CELSR3: variants seen among roughly 807,000 people sequenced by gnomAD.
The protein encoded by CELSR3 is EGF-like protein 1.
In CELSR3, 73 loss-of-function variants were observed where a neutral mutation model predicts 270.0. The ratio of observed to expected loss-of-function variants is 0.27; its 90% CI spans 0.22 to 0.33. The LOEUF is 0.33. Among genes scored for constraint, CELSR3 ranks in the 10% least tolerant of loss-of-function variants. The probability of loss-of-function intolerance (pLI) is 1.00; values close to 1 mark genes in which losing one functional copy is unlikely to be tolerated. For missense variants in CELSR3, 3,614 were observed against 4,533.8 expected (o/e 0.80, Z 5.83); for synonymous variants, 1,780 against 1,905.4 (o/e 0.93, Z 1.71).
rs149535316 is a variant in CELSR3, at chr3:48,644,289, C to T, written c.8092G>A (p.Gly2698Arg). The change falls in exon 27 of 35, where the codon GGG becomes AGG. Residue 2698 changes from glycine to arginine, a missense_variant. Gly to Arg is a moderately radical substitution (Grantham distance 125, BLOSUM62 -2). Coordinates refer to ENST00000164024, the MANE Select transcript of CELSR3 (RefSeq NM_001407.3). This position sits in a 1 kb window ranked among gnomAD's most constrained non-coding sequence, Gnocchi z 4.8. ...GPVVLVIVMN[G>R]TMFLLAARTS... ...CGGGCAGCGAGGAGAAACATGGTCC[C>T]GTTCATCTGGACCCACGGCCAGACA... The T allele has an allele frequency of 1.9e-6, 3 of 1,612,902 alleles. No homozygotes were observed. The highest frequency in any genetic ancestry group is 1.1e-5 in the South Asian group (1 of 91,064).
chr3:48,655,081 A>C lies in CELSR3; in HGVS notation c.4951T>G (p.Ser1651Ala), dbSNP rs2047168596. Reference protein sequence around the residue: ...LQFGAEIGNYSCAAAGVQTSS... With the variant: ...LQFGAEIGNYACAAAGVQTSS... ...GTTTGCACACCAGCAGCCGCGCATG[A>C]GTAGTTGCCAATCTCAGCACCAAAC... Residue 1651 changes from serine to alanine, a missense_variant, in exon 6 of 35, where the codon TCA becomes GCA. Around this residue, in one of 7 missense-constraint regions of CELSR3, gnomAD observed 1,331 missense variants for 1,933.7 expected, o/e 0.69. Coordinates refer to ENST00000164024, the MANE Select transcript of CELSR3 (RefSeq NM_001407.3). The surrounding 1 kb of genome is among the most constrained non-coding windows in gnomAD (Gnocchi z 5.8). The C allele has an allele frequency of 1.2e-6, 2 of 1,613,788 alleles. No individual in the cohort carries two copies. The highest frequency in any genetic ancestry group is 1.7e-6 in the Non-Finnish European group (2 of 1,179,932).
Position 48,640,012 on chromosome 3 carries a change from C to T in CELSR3, c.9573G>A (p.Leu3191=). 1.2e-6 allele frequency: 2 copies of T among 1,612,128 alleles called. No individual in the cohort carries two copies. The highest frequency in any genetic ancestry group is 1.7e-6 in the Non-Finnish European group (2 of 1,179,886). Residue 3191 remains leucine, a synonymous_variant, in exon 34 of 35, where the codon CTG becomes CTA. Transcript: ENST00000164024. This position sits in a 1 kb window ranked among gnomAD's most constrained non-coding sequence, Gnocchi z 7.5. ...AGTTCGAGCTCCTAGACAGAGAGTC[C>T]AGCGGCCGGGATGGCAAGAGGGGGT... ...SRDPLLPSRP[L]DSLSRSSNSR... is the part of the protein sequence containing the mutation.
At position 48,653,710 on chromosome 3, in the gene CELSR3, G is replaced by A. The variant is rs1445134662; in HGVS notation, c.5357C>T (p.Pro1786Leu). Residue 1786 changes from proline (P) to leucine (L), a missense_variant, in exon 9 of 35, where the codon CCA becomes CTA. By Grantham distance (98) the Pro-to-Leu change is moderately conservative. This residue lies in a region of CELSR3 where 1,331 missense variants were observed against 1,933.7 expected (regional missense o/e 0.69). Transcript: ENST00000164024. This position sits in a 1 kb window ranked among gnomAD's most constrained non-coding sequence, Gnocchi z 6.5. The part of the protein sequence containing the change: ...NFGSDMAVSV[P>L]WYLGLAFRTR... Reference sequence around the variant, plus strand: ...CCGAAATGCCAGCCCCAGGTACCATGGCACAGACACAGCCATGTCACTTCC... The same window carrying A: ...CCGAAATGCCAGCCCCAGGTACCATAGCACAGACACAGCCATGTCACTTCC... 1 of 1,614,190 alleles carries A rather than the reference G, an allele frequency of 6.2e-7. No individual in the cohort carries two copies. Among genetic ancestry groups the A allele is most frequent in the Non-Finnish European group, 8.5e-7 (1 of 1,180,040 alleles).
In CELSR3 at chr3:48,655,954, A is replaced by T. The variant is rs980923484; in HGVS notation, c.4626-103T>A. 8.5e-7 allele frequency: 1 copy of T among 1,181,182 alleles called. No individual in the cohort carries two copies. The highest frequency in any genetic ancestry group is 1.2e-6 in the Non-Finnish European group (1 of 821,160). The allele number at this position is 1,181,182 out of a possible 1,614,324, so 73.2% of individuals were successfully genotyped here. ...GGAGAAGGGGCTGGGGCGAGAGAGG[A>T]AGCGACGAGGGACGGCGGGACCGAC... On this transcript the variant is annotated intron_variant, in intron 3 of 34. Coordinates refer to ENST00000164024, the MANE Select transcript of CELSR3 (RefSeq NM_001407.3). The surrounding 1 kb of genome is among the most constrained non-coding windows in gnomAD (Gnocchi z 5.8).
At chr3:48,648,484 G>C (rs764255365) in intron 18 of CELSR3, 23 bp from the exon 19 acceptor site, 1 of 1,511,428 alleles carries the variant, frequency 6.6e-7, no homozygotes, top group Non-Finnish European at 8.8e-7. Context: ...AGATAGAATT[G>C]GGTTCAGCCA....
rs1037500458 is a variant in CELSR3 at position 48,639,586 on chromosome 3, C to G, written c.9911+88G>C. The G allele has an allele frequency of 5.9e-6, 9 of 1,535,832 alleles. No individual in the cohort carries two copies. In the Admixed American group the frequency reaches 1.4e-4, roughly 24 times the overall value. ...CCCACACCTGTCTGCCAGCCCTCATCCCCTTCTGTGGCAGAACACAGGGCA... is the reference window on the plus strand; with the variant it reads ...CCCACACCTGTCTGCCAGCCCTCATGCCCTTCTGTGGCAGAACACAGGGCA... On this transcript the variant is annotated intron_variant, in intron 34 of 34. Coordinates refer to ENST00000164024, the MANE Select transcript of CELSR3 (RefSeq NM_001407.3). This position sits in a 1 kb window ranked among gnomAD's most constrained non-coding sequence, Gnocchi z 4.1.
In CELSR3 at chr3:48,655,526, C is replaced by T. The variant is rs2047173087; in HGVS notation, c.4742-132G>A. 2.0e-6 allele frequency: 2 copies of T among 995,214 alleles called. No individual in the cohort carries two copies. The highest frequency in any genetic ancestry group is 2.0e-5 in the Admixed American group (1 of 50,844). The allele number at this position is 995,214 out of a possible 1,614,324, so 61.6% of individuals were successfully genotyped here. A position where few individuals can be genotyped will look rare whatever the true frequency, so the allele number is the denominator to read the frequency against. ...GTCCCCCCACTGGTGACCACAATGG[C>T]TGGCTCAGAGTGCCTTTGAACAGAC... On this transcript the variant is annotated intron_variant, in intron 4 of 34. Coordinates refer to ENST00000164024, the MANE Select transcript of CELSR3 (RefSeq NM_001407.3). The surrounding 1 kb of genome is among the most constrained non-coding windows in gnomAD (Gnocchi z 5.8).
rs1477146886 is a variant in CELSR3, at chr3:48,658,592, G to A, written c.3748+295C>T. ...CTAGGACCTCCAGAGGATTACCCCA[G>A]GACCTCTGACCTTTTATCAGGAGGG... On this transcript the variant is annotated intron_variant, in intron 1 of 34. Transcript: ENST00000164024. The surrounding 1 kb of genome is among the most constrained non-coding windows in gnomAD (Gnocchi z 4.7). 2.0e-5 allele frequency among the ~76,000 whole-genome samples: 3 copies of A among 152,178 alleles called. No individual in the cohort carries two copies. The highest frequency in any genetic ancestry group is 7.2e-5 in the African/African-American group (3 of 41,438).
chr3:48,657,368 C>T lies in CELSR3; in HGVS notation c.3749-20G>A. On this transcript the variant is annotated intron_variant, in intron 1 of 34. Transcript: ENST00000164024. The surrounding 1 kb of genome is among the most constrained non-coding windows in gnomAD (Gnocchi z 5.4). The stretch of plus-strand genomic sequence containing the variant: ...GGCCATCTGCAGGCGGGGGCAGGGG[C>T]AGTGGTCATCCTGGGGACAGTGGCC... 6.4e-7 allele frequency: 1 copy of T among 1,556,658 alleles called. No individual in the cohort carries two copies. Among genetic ancestry groups the T allele is most frequent in the Non-Finnish European group, 8.7e-7 (1 of 1,152,110 alleles).
At position 48,645,375 on chromosome 3, in the gene CELSR3, T is replaced by G. The variant is rs777165903; in HGVS notation, c.7797+68A>C. ...AGCATCCCTGACCTCTGACCCTGAG[T>G]TTTGGCCCCAGGCCTCCTGGGCCAG... On this transcript the variant is annotated intron_variant, in intron 24 of 34. Coordinates refer to ENST00000164024, the MANE Select transcript of CELSR3 (RefSeq NM_001407.3). The surrounding 1 kb of genome is among the most constrained non-coding windows in gnomAD (Gnocchi z 5.4). 1.3e-6 allele frequency: 2 copies of G among 1,595,614 alleles called. No homozygotes were observed. The highest frequency in any genetic ancestry group is 4.5e-5 in the East Asian group (2 of 44,714).
At position 48,646,642 on chromosome 3, in the gene CELSR3, A is replaced by G. The variant is rs2047087028; in HGVS notation, c.7295+121T>C. The G allele has an allele frequency of 9.6e-7, 1 of 1,041,802 alleles. No homozygotes were observed. The highest frequency in any genetic ancestry group is 1.4e-6 in the Non-Finnish European group (1 of 719,736). The allele number at this position is 1,041,802 out of a possible 1,614,324, so 64.5% of individuals were successfully genotyped here. On this transcript the variant is annotated intron_variant, in intron 21 of 34. Coordinates refer to ENST00000164024, the MANE Select transcript of CELSR3 (RefSeq NM_001407.3). This position sits in a 1 kb window ranked among gnomAD's most constrained non-coding sequence, Gnocchi z 4.8. ...AAGATTCACACAGAACCCGGCAAGGATGGGGCTCCCTGGAGCTGTGCTCCT... is the reference window on the plus strand; with the variant it reads ...AAGATTCACACAGAACCCGGCAAGGGTGGGGCTCCCTGGAGCTGTGCTCCT...
chr3:48,655,742 A>C lies in CELSR3; in HGVS notation c.4735T>G (p.Ser1579Ala), dbSNP rs763168429. The C allele has an allele frequency of 2.6e-5, 42 of 1,613,198 alleles. No homozygotes were observed. The highest frequency in any genetic ancestry group is 3.6e-5 in the Non-Finnish European group (42 of 1,179,640). ...LVAGQVRLTY[S>A]TGESNTVVSP... ...TCACATCCGGGGCACCCACCCGTGG[A>C]ATATGTGAGCCGCACTTGGCCAGCC... The change falls in exon 4 of 35, where the codon TCC becomes GCC. Residue 1579 changes from serine (S) to alanine (A), a missense_variant. Physicochemically the swap from Ser to Ala is moderately conservative, Grantham distance 99. Coordinates refer to ENST00000164024, the MANE Select transcript of CELSR3 (RefSeq NM_001407.3). This position sits in a 1 kb window ranked among gnomAD's most constrained non-coding sequence, Gnocchi z 5.8.
chr3:48,657,648 T>A lies in CELSR3; in HGVS notation c.3749-300A>T, dbSNP rs1379032730. ...AGTCACTCCCGCAACAGCACTCAAGTACCCTAAGTACTCAGTAACCCACAC... is the reference window on the plus strand; with the variant it reads ...AGTCACTCCCGCAACAGCACTCAAGAACCCTAAGTACTCAGTAACCCACAC... On this transcript the variant is annotated intron_variant, in intron 1 of 34. Coordinates refer to ENST00000164024, the MANE Select transcript of CELSR3 (RefSeq NM_001407.3). This position sits in a 1 kb window ranked among gnomAD's most constrained non-coding sequence, Gnocchi z 5.4. 6.6e-6 allele frequency among the ~76,000 whole-genome samples: 1 copy of A among 152,098 alleles called. No individual in the cohort carries two copies. The highest frequency in any genetic ancestry group is 1.5e-5 in the Non-Finnish European group (1 of 68,018).
In CELSR3 at chr3:48,655,752, C is replaced by T. The variant is rs1377645510; in HGVS notation, c.4725G>A (p.Arg1575=). 6.2e-7 allele frequency: 1 copy of T among 1,613,676 alleles called. No individual in the cohort carries two copies. Among genetic ancestry groups the T allele is most frequent in the Non-Finnish European group, 8.5e-7 (1 of 1,179,890 alleles). The change falls in exon 4 of 35, where the codon CGG becomes CGA. Residue 1575 remains arginine (R), a synonymous_variant. Coordinates refer to ENST00000164024, the MANE Select transcript of CELSR3 (RefSeq NM_001407.3). This position sits in a 1 kb window ranked among gnomAD's most constrained non-coding sequence, Gnocchi z 5.8. ...GGCACCCACCCGTGGAATATGTGAGCCGCACTTGGCCAGCCACGAGTTCCA... is the reference window on the plus strand; with the variant it reads ...GGCACCCACCCGTGGAATATGTGAGTCGCACTTGGCCAGCCACGAGTTCCA... ...LALELVAGQV[R]LTYSTGESNT...
In CELSR3 at chr3:48,653,128, G is replaced by T. The variant is rs750706776; in HGVS notation, c.5508C>A (p.Leu1836=). 1 of 1,613,408 alleles carries T rather than the reference G, an allele frequency of 6.2e-7. No homozygotes were observed. Among genetic ancestry groups the T allele is most frequent in the South Asian group, 1.1e-5 (1 of 91,082 alleles). Residue 1836 remains leucine (L), a synonymous_variant, in exon 10 of 35, where the codon CTC becomes CTA. Transcript: ENST00000164024. This position sits in a 1 kb window ranked among gnomAD's most constrained non-coding sequence, Gnocchi z 6.5. ...CACTGACAGTCACCTGGTCCAGAAG[G>T]AGATGGGAAGCACGGCCCGAGCCCC... ...VTRGSGRASH[L]LLDQVTVSDG...
Position 48,657,862 on chromosome 3 carries a change from G to T in CELSR3, c.3749-514C>A, listed in dbSNP as rs1478749854. Among the ~76,000 whole-genome samples, 1 of 152,150 alleles carries T rather than the reference G, an allele frequency of 6.6e-6. No individual in the cohort carries two copies. Among genetic ancestry groups the T allele is most frequent in the Non-Finnish European group, 1.5e-5 (1 of 68,022 alleles). ...ATCACCTATCTCCTATTTTTGGTCA[G>T]CAAATTGCTCTTCCATGACACTAGA... On this transcript the variant is annotated intron_variant, in intron 1 of 34. Coordinates refer to ENST00000164024, the MANE Select transcript of CELSR3 (RefSeq NM_001407.3). The surrounding 1 kb of genome is among the most constrained non-coding windows in gnomAD (Gnocchi z 5.4).
chr3:48,659,484 C>G lies in CELSR3; in HGVS notation c.3151G>C (p.Val1051Leu), dbSNP rs767846362. Residue 1051 changes from valine to leucine, a missense_variant, in exon 1 of 35, where the codon GTC (valine) becomes CTC (leucine). This residue lies in a region of CELSR3 where 1,331 missense variants were observed against 1,933.7 expected (regional missense o/e 0.69). Transcript: ENST00000164024. The surrounding 1 kb of genome is among the most constrained non-coding windows in gnomAD (Gnocchi z 8.1). ...TCCTGCACCATCACCTGGATACTGA[C>G]TGGAGTCCGGAGTGGGGGCACACCT... ...DRGVPPLRTP[V>L]SIQVMVQDVN... 1 of 1,614,232 alleles carries G rather than the reference C, an allele frequency of 6.2e-7. No individual in the cohort carries two copies. Among genetic ancestry groups the G allele is most frequent in the East Asian group, 2.2e-5 (1 of 44,890 alleles).
Position 48,646,376 on chromosome 3 carries a change from G to A in CELSR3, c.7296-119C>T, listed in dbSNP as rs1241296426. 11 of 1,092,966 alleles carry A rather than the reference G, an allele frequency of 1.0e-5. No homozygotes were observed. Among genetic ancestry groups the A allele is most frequent in the Non-Finnish European group, 1.3e-5 (10 of 778,814 alleles). 67.7% of individuals were successfully genotyped at this position (1,092,966 alleles called of 1,614,324 possible). A position where few individuals can be genotyped will look rare whatever the true frequency, so the allele number is the denominator to read the frequency against. ...ACCCAGGGTCTGGGATGTCCCCAGA[G>A]TGGAAGCTGTTTCTAAGAATCCCTC... On this transcript the variant is annotated intron_variant, in intron 21 of 34. Transcript: ENST00000164024. The surrounding 1 kb of genome is among the most constrained non-coding windows in gnomAD (Gnocchi z 4.8).
rs781769633 is a variant in CELSR3 at position 48,642,342 on chromosome 3, C to T, written c.8665+16G>A. ...TCCTCTGCCTCCCTCCTCCCTGCCC[C>T]AGGCCCCAACTCCACCAGCATCTCG... On this transcript the variant is annotated intron_variant, in intron 31 of 34. Transcript: ENST00000164024. The surrounding 1 kb of genome is among the most constrained non-coding windows in gnomAD (Gnocchi z 6.1). 1 of 1,609,846 alleles carries T rather than the reference C, an allele frequency of 6.2e-7. No individual in the cohort carries two copies. Among genetic ancestry groups the T allele is most frequent in the East Asian group, 2.2e-5 (1 of 44,868 alleles).
Sources: gnomAD v4.1 joint callset for allele counts (sites outside exome capture counted in the v4.1 genomes callset) on GRCh38, gnomAD v4.1.1 for gene constraint, gnomAD v4.1.1 regional missense constraint, Gnocchi (gnomAD v3.1) non-coding constraint, MANE v1.5 for transcripts, NCBI Gene and HGNC (gene_info 2026-07-23, HGNC 2026-07-21) for gene names.